Variants in TENM2 observed in about 807,000 individuals in gnomAD.
The protein encoded by TENM2 is teneurin-2.
Under a neutral mutation model 245.2 loss-of-function variants are expected in TENM2, and 52 were observed. That is an observed-to-expected ratio of 0.21 (90% CI 0.17 to 0.27). The LOEUF (loss-of-function observed/expected upper bound fraction) is 0.27, where lower values mean the gene tolerates loss of function less well. TENM2 is among the 10% of genes least tolerant of loss of function. The pLI is 1.00. For synonymous variants in TENM2, 1,363 were observed against 1,438.9 expected, an observed-to-expected ratio of 0.95 and a Z score of 1.19; for missense variants, 3,046 against 3,666.8, an observed-to-expected ratio of 0.83 and a Z score of 4.37.
chr5:167,028,126 G>A, the TENM2 span, among the ~76,000 whole-genome samples: 2 of 147,642 alleles, frequency 1.4e-5, no homozygotes, highest in South Asian at 2.1e-4. Context: ...TATATTTTAA[G>A]CATCTTCTTT....
the TENM2 span, among the ~76,000 whole-genome samples, chr5:167,108,422 G>A: frequency 4.6e-5 from 7 of 152,116 alleles, no homozygotes; most frequent in African/African-American, 1.2e-4. Context: ...CACCGCGCCC[G>A]GCCACTGTGG....
At chr5:167,865,130 C>A (rs1772193706) in intron 2 of TENM2, among the ~76,000 whole-genome samples, 1 of 152,182 alleles carries the variant, frequency 6.6e-6, no homozygotes, top group Non-Finnish European at 1.5e-5. Flanking sequence ...CACAGACAGA[C>A]AACTCAGTAA....
At chr5:168,186,913 G>A (rs893648004) in intron 13 of TENM2, 6 of 152,130 alleles carry the variant, frequency 3.9e-5, no homozygotes, top group African/African-American at 4.8e-5. Context: ...GCATAAAGAC[G>A]CGATTCTCAT....
At position 167,978,646 on chromosome 5, in the gene TENM2, C is replaced by T. The variant is rs149083393; in HGVS notation, c.948-14298C>T. ...GAGAGAGTGAAGGAATGGCGAGTTA[C>T]TGTTTAATAGATTTTGGGGGGAATT... On this transcript the variant is annotated intron_variant, in intron 4 of 28. Transcript: ENST00000518659. Among the ~76,000 whole-genome samples the T allele has an allele frequency of 1.9e-4, 29 of 149,926 alleles. No homozygotes were observed. The East Asian group carries it at 5.3e-3, about 28-fold the overall frequency.
chr5:167,872,538 AAGAAAGAAAGAGAAAG>A (rs1773039953), intron 2 of TENM2, among the ~76,000 whole-genome samples: 1 of 48,498 alleles, frequency 2.1e-5, no homozygotes, highest in African/African-American at 5.5e-5. Flanking sequence ...GAAAGAAAGA[AAGAAAGAAAGAGAAAG>A]AAAGAAAGAA....
At chr5:166,994,247 G>T in the TENM2 span, among the ~76,000 whole-genome samples, 1 of 152,152 alleles carries the variant, frequency 6.6e-6, no homozygotes, top group African/African-American at 2.4e-5. Flanking sequence ...TTTTTGTCAC[G>T]CATGCCAATT....
At chr5:167,375,981 G>A (rs1454459099) in intron 2 of TENM2, among the ~76,000 whole-genome samples, 1 of 152,122 alleles carries the variant, frequency 6.6e-6, no homozygotes, top group Non-Finnish European at 1.5e-5. Context: ...ATGACAAATA[G>A]GAAGAGACTT....
chr5:167,188,373 A>G, the TENM2 span, among the ~76,000 whole-genome samples: 1 of 152,150 alleles, frequency 6.6e-6, no homozygotes, highest in South Asian at 2.1e-4. Flanking sequence ...TTGATGAGAT[A>G]GCACTTCTTT....
intron 2 of TENM2, among the ~76,000 whole-genome samples, chr5:167,804,137 A>G (rs1765978916): frequency 1.3e-5 from 2 of 152,190 alleles, no homozygotes; most frequent in East Asian, 1.9e-4. Flanking sequence ...AGTCCCAAGC[A>G]TTTTGGATAA....
chr5:167,427,076 T>TA (rs939333757), intron 2 of TENM2, among the ~76,000 whole-genome samples: 7 of 147,830 alleles, frequency 4.7e-5, no homozygotes, highest in East Asian at 2.0e-4. Flanking sequence ...AAAGAAAAAG[T>TA]AAAAAAAAGG....
intron 1 of TENM2, among the ~76,000 whole-genome samples, chr5:167,327,994 A>G (rs534052016): frequency 6.6e-6 from 1 of 152,288 alleles, no homozygotes; most frequent in African/African-American, 2.4e-5. Context: ...GTGCAGATGG[A>G]TGAAAGTGGC....
chr5:167,815,283 A>T (rs1247688456), intron 2 of TENM2, among the ~76,000 whole-genome samples: 2 of 152,134 alleles, frequency 1.3e-5, no homozygotes, highest in Non-Finnish European at 2.9e-5. Context: ...CTTAAGTGAA[A>T]GGGGAGAGTT....
the TENM2 span, among the ~76,000 whole-genome samples, chr5:167,208,476 T>C: frequency 6.6e-6 from 1 of 152,164 alleles, no homozygotes; most frequent in Admixed American, 6.5e-5. Context: ...ATAAAATAAA[T>C]AAGTCAGCAT....
At chr5:168,010,421 C>T (rs1464116281) in intron 5 of TENM2, among the ~76,000 whole-genome samples, 1 of 152,190 alleles carries the variant, frequency 6.6e-6, no homozygotes, top group Non-Finnish European at 1.5e-5. Flanking sequence ...TTACACGGTT[C>T]TTGCAAACCA....
intron 2 of TENM2, among the ~76,000 whole-genome samples, chr5:167,518,625 T>C (rs1259522319): frequency 6.6e-6 from 1 of 152,098 alleles, no homozygotes; most frequent in Non-Finnish European, 1.5e-5. Flanking sequence ...TTCTCAATAC[T>C]GCATGCATGT....
At chr5:168,072,567 A>G (rs1162218714) in intron 7 of TENM2, among the ~76,000 whole-genome samples, 2 of 152,194 alleles carry the variant, frequency 1.3e-5, no homozygotes, top group Non-Finnish European at 1.5e-5. Context: ...TGATGGCAAC[A>G]TCAAGTAGGG....
chr5:167,146,341 T>A, the TENM2 span, among the ~76,000 whole-genome samples: 1 of 152,258 alleles, frequency 6.6e-6, no homozygotes, highest in South Asian at 2.1e-4. Flanking sequence ...CCCAGGTGAG[T>A]TGATGAGATC....
intron 6 of TENM2, among the ~76,000 whole-genome samples, chr5:168,053,449 G>T (rs1324965991): frequency 6.6e-6 from 1 of 152,046 alleles, no homozygotes; most frequent in Non-Finnish European, 1.5e-5. Flanking sequence ...CCAGATATCT[G>T]GTCTATGATC....
At chr5:167,142,330 A>G in the TENM2 span, among the ~76,000 whole-genome samples, 1 of 152,022 alleles carries the variant, frequency 6.6e-6, no homozygotes, top group Non-Finnish European at 1.5e-5. Context: ...CCATGTTAAG[A>G]TAATGGCACT....
Sources: allele counts gnomAD v4.1 joint callset (sites outside exome capture counted in the v4.1 genomes callset), GRCh38; gene constraint gnomAD v4.1.1; transcripts MANE v1.5; gene names NCBI Gene and HGNC (gene_info 2026-07-23, HGNC 2026-07-21).